The following FKBP5 variants were observed in gnomAD, a reference collection of about 807,000 sequenced individuals.
The protein encoded by FKBP5 is peptidyl-prolyl cis-trans isomerase FKBP5.
A neutral mutation model predicts 50.5 loss-of-function variants in FKBP5; 23 were observed. That is an observed-to-expected ratio of 0.46 (90% CI 0.33 to 0.65). The LOEUF (loss-of-function observed/expected upper bound fraction) is 0.65. FKBP5 is among the 30% of genes least tolerant of loss of function. The pLI is 0.02. For missense variants in FKBP5, 411 were observed against 553.1 expected, an observed-to-expected ratio of 0.74 and a Z score of 2.58; for synonymous variants, 176 against 190.6, an observed-to-expected ratio of 0.92 and a Z score of 0.63.
intron 1 of FKBP5, among the ~76,000 whole-genome samples, chr6:35,643,749 T>C (rs1254399610): frequency 1.3e-5 from 2 of 152,184 alleles, no homozygotes; most frequent in African/African-American, 4.8e-5. Flanking sequence ...ACCTTGACCC[T>C]CTATTTGTAG....
intron 2 of FKBP5, among the ~76,000 whole-genome samples, chr6:35,705,143 AAACAAC>A (rs756008610): frequency 1.3e-5 from 2 of 148,432 alleles, no homozygotes; most frequent in Non-Finnish European, 3.0e-5. Context: ...TCCGTCTCAA[AAACAAC>A]AACAACAACA....
chr6:35,709,941 T>C (rs1166655826), intron 2 of FKBP5, among the ~76,000 whole-genome samples: 1 of 150,330 alleles, frequency 6.7e-6, no homozygotes, highest in Non-Finnish European at 1.5e-5. Context: ...ACAAACAGGG[T>C]AATGCGATAA....
At chr6:35,676,903 G>A (rs865948282) in intron 1 of FKBP5, among the ~76,000 whole-genome samples, 4 of 152,178 alleles carry the variant, frequency 2.6e-5, no homozygotes, top group African/African-American at 9.7e-5. Context: ...ACTGCTAGTG[G>A]GAAGAACAAA....
chr6:35,602,830 A>C (rs933432711), intron 5 of FKBP5, among the ~76,000 whole-genome samples: 2 of 152,202 alleles, frequency 1.3e-5, no homozygotes, highest in African/African-American at 4.8e-5. Context: ...AATAACATTT[A>C]TGCAAATGAT....
At chr6:35,665,113 C>T (rs1294363260) in intron 1 of FKBP5, among the ~76,000 whole-genome samples, 1 of 152,186 alleles carries the variant, frequency 6.6e-6, no homozygotes, top group East Asian at 1.9e-4. Context: ...CTCCAGACGG[C>T]TCACTCACTC....
At chr6:35,612,010 T>A (rs1763507600) in intron 5 of FKBP5, among the ~76,000 whole-genome samples, 1 of 152,208 alleles carries the variant, frequency 6.6e-6, no homozygotes, top group South Asian at 2.1e-4. Context: ...ATTTGAAGAC[T>A]GTTATTAGAG....
intron 5 of FKBP5, among the ~76,000 whole-genome samples, chr6:35,604,587 G>T (rs1763248751): frequency 6.6e-6 from 1 of 152,024 alleles, no homozygotes; most frequent in Admixed American, 6.6e-5. Flanking sequence ...ATCTCAATAT[G>T]GGCAGACGTA....
chr6:35,689,426 G>C (rs1294428984), upstream of FKBP5, among the ~76,000 whole-genome samples: 3 of 152,018 alleles, frequency 2.0e-5, no homozygotes, highest in African/African-American at 4.8e-5. Flanking sequence ...ATCCCACCTC[G>C]AGAACCAATT....
At chr6:35,684,050 T>C (rs1473412784) in intron 1 of FKBP5, among the ~76,000 whole-genome samples, 1 of 152,048 alleles carries the variant, frequency 6.6e-6, no homozygotes, top group Non-Finnish European at 1.5e-5. Flanking sequence ...CAAGACCCTG[T>C]CTCAAAAAAT....
At chr6:35,582,038 G>A (rs1762448696) in intron 8 of FKBP5, 8 of 985,516 alleles carry the variant, frequency 8.1e-6, no homozygotes, top group Non-Finnish European at 9.6e-6. Flanking sequence ...CTGTAGAAAG[G>A]AAGCCCTGGT....
At chr6:35,652,364 G>A (rs1764827625) in intron 1 of FKBP5, among the ~76,000 whole-genome samples, 1 of 152,214 alleles carries the variant, frequency 6.6e-6, no homozygotes, top group South Asian at 2.1e-4. Flanking sequence ...GGTGAGCCGG[G>A]CAGAACAGAG....
At chr6:35,706,077 C>G (rs1033271341) in intron 2 of FKBP5, among the ~76,000 whole-genome samples, 1 of 151,844 alleles carries the variant, frequency 6.6e-6, no homozygotes, top group Non-Finnish European at 1.5e-5. Flanking sequence ...CCACTGCACT[C>G]CAGCCTAGGC....
At chr6:35,717,662 G>A (rs1338314368) in intron 2 of FKBP5, among the ~76,000 whole-genome samples, 1 of 152,242 alleles carries the variant, frequency 6.6e-6, no homozygotes. Context: ...GTCTGGACAT[G>A]GCTGTGGGAA....
rs1158963978 is a variant in FKBP5, at chr6:35,581,371, C to T, written c.841-1150G>A. 7.8e-5 allele frequency: 20 copies of T among 255,748 alleles called. No individual in the cohort carries two copies. In the East Asian group the frequency reaches 8.9e-4, roughly 11 times the overall value. 15.8% of individuals were successfully genotyped at this position (255,748 alleles called of 1,614,324 possible). Reference sequence around the variant, plus strand: ...CCTGTAATCCCAGCACTTTGGAGGCCGAGACAGGTGGATCACCTGAGGTCA... The same window carrying T: ...CCTGTAATCCCAGCACTTTGGAGGCTGAGACAGGTGGATCACCTGAGGTCA... On this transcript the variant is annotated intron_variant, in intron 8 of 10. Coordinates refer to ENST00000357266, the MANE Select transcript of FKBP5 (RefSeq NM_004117.4).
At chr6:35,589,107 T>TA (rs1762719861) in intron 7 of FKBP5, among the ~76,000 whole-genome samples, 3 of 121,506 alleles carry the variant, frequency 2.5e-5, no homozygotes, top group Admixed American at 9.4e-5. Context: ...TATATATATA[T>TA]TTTTATATAT....
At chr6:35,718,178 G>A (rs12200498) in intron 2 of FKBP5, among the ~76,000 whole-genome samples, 20,755 of 152,180 alleles carry the variant, frequency 0.14, 1,773 homozygotes, top group Non-Finnish European at 0.18. Flanking sequence ...AATGTCAGAG[G>A]AAGGAAGTGG....
At chr6:35,711,336 A>T (rs1025999595) in intron 2 of FKBP5, among the ~76,000 whole-genome samples, 40 of 142,870 alleles carry the variant, frequency 2.8e-4, no homozygotes, top group African/African-American at 9.9e-4. Context: ...AAAAAAAAGA[A>T]GGCCGGGAGC....
At chr6:35,699,553 G>T (rs542805025) in intron 2 of FKBP5, among the ~76,000 whole-genome samples, 20 of 152,172 alleles carry the variant, frequency 1.3e-4, no homozygotes, top group African/African-American at 4.8e-4. Context: ...TCCCCCCAAA[G>T]TCTCACCCCA....
intron 1 of FKBP5, among the ~76,000 whole-genome samples, chr6:35,647,065 G>C (rs184733716): frequency 1.3e-5 from 2 of 152,256 alleles, no homozygotes; most frequent in East Asian, 3.9e-4. Flanking sequence ...TAACAGGAGA[G>C]TTTTCAGAAA....
Sources: allele counts gnomAD v4.1 joint callset (sites outside exome capture counted in the v4.1 genomes callset), GRCh38; gene constraint gnomAD v4.1.1; transcripts MANE v1.5; gene names NCBI Gene and HGNC (gene_info 2026-07-23, HGNC 2026-07-21).